ELP4: variants seen among roughly 807,000 people sequenced by gnomAD.
ELP4 encodes the protein elongator acetyltransferase complex subunit 4, also known as elongator complex protein 4.
ELP4 carries 51 observed loss-of-function variants against 48.9 expected under a neutral mutation model. The observed-to-expected ratio is 1.04, with a 90% confidence interval of 0.83 to 1.32. The LOEUF (loss-of-function observed/expected upper bound fraction) is 1.32, where lower values mean the gene tolerates loss of function less well. ELP4 is among the 40% of genes most tolerant of loss of function. ELP4 has a pLI of 0.00. For synonymous variants in ELP4, 210 were observed against 189.2 expected (o/e 1.11, Z -0.90); for missense variants, 519 against 514.6 (o/e 1.01, Z -0.08).
At chr11:31,703,335 T>A (rs1396322744) in intron 9 of ELP4, among the ~76,000 whole-genome samples, 2 of 152,188 alleles carry the variant, frequency 1.3e-5, no homozygotes, top group Admixed American at 6.5e-5. Context: ...AAAACAGTTA[T>A]GACACCTTTT....
intron 9 of ELP4, among the ~76,000 whole-genome samples, chr11:31,741,172 G>T (rs1947437477): frequency 6.6e-6 from 1 of 152,174 alleles, no homozygotes; most frequent in African/African-American, 2.4e-5. Flanking sequence ...CAAACTGCAA[G>T]GTGGCAGCGA....
At chr11:31,636,934 G>A (rs893142865) in intron 7 of ELP4, among the ~76,000 whole-genome samples, 1 of 151,848 alleles carries the variant, frequency 6.6e-6, no homozygotes, top group Admixed American at 6.6e-5. Context: ...TCCCTTTGAA[G>A]TAATATTATT....
intron 9 of ELP4, among the ~76,000 whole-genome samples, chr11:31,674,713 G>GCAGT (rs1310251469): frequency 6.6e-6 from 1 of 152,196 alleles, no homozygotes; most frequent in African/African-American, 2.4e-5. Context: ...CTACAACACT[G>GCAGT]CAGTCTTCAC....
chr11:31,691,421 C>G (rs1486029463), intron 9 of ELP4, among the ~76,000 whole-genome samples: 2 of 151,958 alleles, frequency 1.3e-5, no homozygotes, highest in Non-Finnish European at 2.9e-5. Context: ...GTATCAGTTT[C>G]ACAAATTATG....
intron 6 of ELP4, among the ~76,000 whole-genome samples, chr11:31,630,227 C>CTT (rs11441798): frequency 0.062 from 7,895 of 128,334 alleles, 339 homozygotes; most frequent in Non-Finnish European, 0.088. Flanking sequence ...TTCTAAAATC[C>CTT]TTTTTTTTTT....
intron 4 of ELP4, among the ~76,000 whole-genome samples, 159 bp from the exon 5 acceptor site, chr11:31,603,609 T>G (rs1413436512): frequency 6.6e-6 from 1 of 151,858 alleles, no homozygotes; most frequent in Admixed American, 6.6e-5. Flanking sequence ...TAATAAAGGT[T>G]GTTGTATGCT....
At chr11:31,601,305 T>A (rs944107847) in intron 4 of ELP4, among the ~76,000 whole-genome samples, 32 of 152,112 alleles carry the variant, frequency 2.1e-4, no homozygotes, top group Admixed American at 2.0e-3. Flanking sequence ...AAATTGTTTT[T>A]TCCTGTAAGA....
At chr11:31,558,458 A>T (rs1210275340) in intron 3 of ELP4, among the ~76,000 whole-genome samples, 2 of 152,188 alleles carry the variant, frequency 1.3e-5, no homozygotes, top group Non-Finnish European at 2.9e-5. Flanking sequence ...ATTGATGTTT[A>T]TTCATCAATC....
intron 9 of ELP4, among the ~76,000 whole-genome samples, chr11:31,687,063 G>A (rs1000951795): frequency 6.6e-6 from 1 of 152,118 alleles, no homozygotes; most frequent in African/African-American, 2.4e-5. Flanking sequence ...TTTAGTAAGA[G>A]AAAAGGAGGA....
intron 2 of ELP4, among the ~76,000 whole-genome samples, chr11:31,537,337 T>C (rs569829363): frequency 6.6e-6 from 1 of 152,374 alleles, no homozygotes; most frequent in East Asian, 1.9e-4. Flanking sequence ...TTCTGGACTC[T>C]ATTCTTTTCC....
At chr11:31,586,515 G>T (rs1430694671) in intron 3 of ELP4, among the ~76,000 whole-genome samples, 2 of 152,130 alleles carry the variant, frequency 1.3e-5, no homozygotes, top group Admixed American at 1.3e-4. Flanking sequence ...TCCAGCATCG[G>T]TCTTTGTCCA....
At chr11:31,575,623 G>A (rs1235549246) in intron 3 of ELP4, among the ~76,000 whole-genome samples, 1 of 152,180 alleles carries the variant, frequency 6.6e-6, no homozygotes, top group African/African-American at 2.4e-5. Context: ...AGAAGAGAGT[G>A]GGGGCCAATA....
intron 9 of ELP4, among the ~76,000 whole-genome samples, chr11:31,709,338 C>G (rs1310839548): frequency 1.3e-5 from 2 of 152,138 alleles, no homozygotes; most frequent in Non-Finnish European, 2.9e-5. Context: ...GATTAGTCTT[C>G]AGGTGCTAGT....
chr11:31,525,137 T>C (rs1324874311), intron 2 of ELP4, among the ~76,000 whole-genome samples: 3 of 152,252 alleles, frequency 2.0e-5, no homozygotes, highest in African/African-American at 7.2e-5. Context: ...TGTTGATTAG[T>C]TGTAACAGAA....
chr11:31,603,967 T>C (rs1957827211), intron 5 of ELP4, 60 bp downstream of exon 5: 1 of 1,442,754 alleles, frequency 6.9e-7, no homozygotes. Flanking sequence ...GAATGCACTT[T>C]TACCACATTT....
At chr11:31,695,810 G>T in intron 9 of ELP4, among the ~76,000 whole-genome samples, 1 of 111,838 alleles carries the variant, frequency 8.9e-6, no homozygotes, top group Non-Finnish European at 1.9e-5. Flanking sequence ...GCTTTTTTTG[G>T]TTGGTAAGCT....
Position 31,789,668 on chromosome 11 carries a change from C to T in ELP4, c.*6144C>T, listed in dbSNP as rs1476022065. ...TTTTTCATTATAACATACAAATGCC[C>T]ATTTACAAATAATACACCAAAATGA... On this transcript the variant is annotated 3_prime_UTR_variant, in exon 10 of 10. Coordinates refer to ENST00000640961, the MANE Select transcript of ELP4 (RefSeq NM_019040.5). The T allele has an allele frequency of 4.3e-6, 3 of 701,332 alleles. No individual in the cohort carries two copies. In the African/African-American group the frequency reaches 5.3e-5, roughly 12 times the overall value. 43.4% of individuals were successfully genotyped at this position (701,332 alleles called of 1,614,324 possible).
At chr11:31,538,883 A>C (rs1285157192) in intron 2 of ELP4, among the ~76,000 whole-genome samples, 2 of 152,124 alleles carry the variant, frequency 1.3e-5, no homozygotes, top group Admixed American at 1.3e-4. Flanking sequence ...AAAAGAGTAC[A>C]TGTGGGATTG....
At chr11:31,772,531 G>A (rs950716898) in intron 9 of ELP4, among the ~76,000 whole-genome samples, 3 of 152,142 alleles carry the variant, frequency 2.0e-5, no homozygotes, top group Admixed American at 1.3e-4. Context: ...CTGAAAGCAG[G>A]TGTCTTGCCT....
Sources: gnomAD v4.1 joint callset for allele counts (sites outside exome capture counted in the v4.1 genomes callset) on GRCh38, gnomAD v4.1.1 for gene constraint, MANE v1.5 for transcripts, NCBI Gene and HGNC (gene_info 2026-07-23, HGNC 2026-07-21) for gene names.